DST: variants seen among roughly 807,000 people sequenced by gnomAD.
DST encodes dystonin, also known as bullous pemphigoid antigen.
In DST, 253 loss-of-function variants were observed where a neutral mutation model predicts 875.2. The ratio of observed to expected loss-of-function variants is 0.29; its 90% CI spans 0.26 to 0.32. The LOEUF (loss-of-function observed/expected upper bound fraction) is 0.32, where lower values mean the gene tolerates loss of function less well. Among genes scored for constraint, DST ranks in the 10% least tolerant of loss-of-function variants. The pLI, the probability that DST is intolerant of heterozygous loss-of-function variation, is 1.00. For missense variants in DST, 8,287 were observed against 9,111.6 expected, an observed-to-expected ratio of 0.91 and a Z score of 3.68; for synonymous variants, 3,124 against 3,197.1, an observed-to-expected ratio of 0.98 and a Z score of 0.77.
intron 36 of DST, chr6:56,620,084 A>G: frequency 6.2e-7 from 1 of 1,613,516 alleles, no homozygotes; most frequent in Non-Finnish European, 8.5e-7. Flanking sequence ...TCTTGCTTCC[A>G]ATTCAATTTT....
Position 56,902,696 on chromosome 6 carries a change from T to C in DST, c.217-2075A>G, listed in dbSNP as rs115670730. On this transcript the variant is annotated intron_variant, in intron 2 of 103. Coordinates refer to ENST00000680361, the MANE Select transcript of DST (RefSeq NM_001374736.1). ...CCCTGCGTGCAAGCTCAGCTGGTCC[T>C]CTTCAACCGAAAATAGTCCCAGAAC... Among the ~76,000 whole-genome samples the C allele has an allele frequency of 8.5e-3, 1,301 of 152,308 alleles. 20 individuals carry two copies. Among genetic ancestry groups the C allele is most frequent in the African/African-American group, 0.03 (1,252 of 41,570 alleles).
chr6:56,725,290 T>G (rs989949625), intron 5 of DST, among the ~76,000 whole-genome samples: 1 of 152,224 alleles, frequency 6.6e-6, no homozygotes, highest in African/African-American at 2.4e-5. Flanking sequence ...CAGGTATGAC[T>G]AGCTTACTAC....
chr6:56,580,725 CTTTTTTTT>C (rs1167715487), intron 49 of DST, among the ~76,000 whole-genome samples: 13 of 121,036 alleles, frequency 1.1e-4, no homozygotes, highest in African/African-American at 3.7e-4. Flanking sequence ...TTTACTTTTT[CTTTTTTTT>C]TTTTTTTTTT....
intron 4 of DST, among the ~76,000 whole-genome samples, chr6:56,823,362 A>G (rs2099775402): frequency 1.3e-5 from 2 of 152,272 alleles, no homozygotes; most frequent in South Asian, 4.1e-4. Context: ...CATTTTGCCT[A>G]TCTTCCACGT....
rs2152757741 is a variant in DST, at chr6:56,630,387, A to C, written c.4143-4T>G. On this transcript the variant is annotated splice_region_variant and splice_polypyrimidine_tract_variant and intron_variant, in intron 30 of 103. Coordinates refer to ENST00000680361, the MANE Select transcript of DST (RefSeq NM_001374736.1). The stretch of plus-strand genomic sequence containing the variant: ...CACCAAGTTAACAGTTTTCAACCTT[A>C]AAAAGGAAATTAAACAATAGCCACC... 1.2e-6 allele frequency: 2 copies of C among 1,611,736 alleles called. No individual in the cohort carries two copies. The highest frequency in any genetic ancestry group is 1.7e-6 in the Non-Finnish European group (2 of 1,179,424).
intron 10 of DST, among the ~76,000 whole-genome samples, chr6:56,653,545 C>T (rs774115197): frequency 2.0e-5 from 3 of 151,892 alleles, no homozygotes; most frequent in Non-Finnish European, 2.9e-5. Flanking sequence ...ATTAGCCAGG[C>T]GTGATGGCAG....
At chr6:56,947,646 C>T (rs955614812) in intron 2 of DST, among the ~76,000 whole-genome samples, 1 of 152,168 alleles carries the variant, frequency 6.6e-6, no homozygotes, top group Non-Finnish European at 1.5e-5. Context: ...GTAGTATACA[C>T]GAATCATTTT....
chr6:56,891,990 C>G (rs1434753185), intron 3 of DST, among the ~76,000 whole-genome samples: 1 of 152,198 alleles, frequency 6.6e-6, no homozygotes, highest in African/African-American at 2.4e-5. Context: ...CAGCAGAACA[C>G]CATGGGTTAG....
At chr6:56,866,354 G>C (rs1774105344) in intron 3 of DST, among the ~76,000 whole-genome samples, 1 of 152,108 alleles carries the variant, frequency 6.6e-6, no homozygotes, top group Non-Finnish European at 1.5e-5. Flanking sequence ...ACAATTATTG[G>C]AAAATATCTT....
chr6:56,690,339 C>A (rs1482707471), intron 9 of DST, among the ~76,000 whole-genome samples: 2 of 152,132 alleles, frequency 1.3e-5, no homozygotes, highest in Admixed American at 1.3e-4. Flanking sequence ...ATCTAATATA[C>A]TCCTTTTTTA....
At chr6:56,778,654 A>G (rs1236639717) in intron 4 of DST, among the ~76,000 whole-genome samples, 1 of 150,034 alleles carries the variant, frequency 6.7e-6, no homozygotes, top group Non-Finnish European at 1.5e-5. Context: ...TGTCCTTGAG[A>G]TAGTTTACTG....
At chr6:56,557,012 T>G (rs1284819283) in intron 59 of DST, among the ~76,000 whole-genome samples, 6 of 152,190 alleles carry the variant, frequency 3.9e-5, no homozygotes, top group Admixed American at 2.0e-4. Context: ...CTTAATTGCA[T>G]TAATACTTCA....
At chr6:56,784,339 C>G (rs1033602945) in intron 4 of DST, among the ~76,000 whole-genome samples, 1 of 152,246 alleles carries the variant, frequency 6.6e-6, no homozygotes, top group East Asian at 1.9e-4. Flanking sequence ...TGGTTCCATT[C>G]TCCCCGTCAC....
intron 92 of DST, chr6:56,474,248 C>T (rs927460591): frequency 5.9e-5 from 19 of 319,418 alleles, no homozygotes; most frequent in Non-Finnish European, 9.3e-5. Flanking sequence ...CTTTGGGAGG[C>T]CAAGGCAGGT....
intron 98 of DST, among the ~76,000 whole-genome samples, chr6:56,467,676 A>G (rs944990963): frequency 1.1e-4 from 17 of 152,174 alleles, no homozygotes; most frequent in African/African-American, 4.1e-4. Flanking sequence ...GTTATAAGGA[A>G]ATAACTAAAA....
Position 56,606,939 on chromosome 6 carries a change from T to C in DST, c.7689A>G (p.Pro2563=), listed in dbSNP as rs1395441551. The change falls in exon 40 of 104, where the codon CCA becomes CCG. Residue 2563 remains proline (P), a synonymous_variant. Transcript: ENST00000680361. The part of the protein sequence containing the change: ...EIEEYSCAVT[P]GGDTDNAIVS... ...CAATGGCATTATCAGTATCACCCCC[T>C]GGAGTCACAGCACAGGAATACTCTT... is the stretch of plus-strand genomic sequence containing the variant. The C allele has an allele frequency of 3.1e-6, 5 of 1,613,462 alleles. No homozygotes were observed. The East Asian group carries it at 8.9e-5, about 29-fold the overall frequency.
At chr6:56,739,747 C>T (rs2099539543) in intron 4 of DST, among the ~76,000 whole-genome samples, 1 of 152,180 alleles carries the variant, frequency 6.6e-6, no homozygotes, top group South Asian at 2.1e-4. Flanking sequence ...ATGACATTCC[C>T]ACCAGCGCCA....
chr6:56,598,184 T>C (rs1467099007), intron 46 of DST, among the ~76,000 whole-genome samples, 178 bp from the exon 47 acceptor site: 1 of 152,190 alleles, frequency 6.6e-6, no homozygotes, highest in Admixed American at 6.5e-5. Context: ...TACTTTGAAG[T>C]TTCCCCTGTT....
At chr6:56,493,631 A>G (rs1256046196) in intron 83 of DST, among the ~76,000 whole-genome samples, 1 of 152,134 alleles carries the variant, frequency 6.6e-6, no homozygotes, top group Non-Finnish European at 1.5e-5. Context: ...AAAAGAATAT[A>G]CACAATCATC....
Sources: gnomAD v4.1 joint callset for allele counts (sites outside exome capture counted in the v4.1 genomes callset) on GRCh38, gnomAD v4.1.1 for gene constraint, MANE v1.5 for transcripts, NCBI Gene and HGNC (gene_info 2026-07-23, HGNC 2026-07-21) for gene names.